Variants in CPNE8 observed in about 807,000 individuals in gnomAD.
The protein encoded by CPNE8 is copine 8.
A neutral mutation model predicts 81.5 loss-of-function variants in CPNE8; 45 were observed. The ratio of observed to expected loss-of-function variants is 0.55; its 90% confidence interval spans 0.44 to 0.71. CPNE8 has a LOEUF of 0.71. Among genes scored for constraint, CPNE8 ranks in the 30% least tolerant of loss-of-function variants. CPNE8 has a pLI of 0.00. For synonymous variants in CPNE8, 252 were observed against 226.3 expected (o/e 1.11, Z -1.02); for missense variants, 594 against 672.1 (o/e 0.88, Z 1.28).
intron 1 of CPNE8, among the ~76,000 whole-genome samples, chr12:38,902,773 CAT>C: frequency 6.6e-6 from 1 of 152,310 alleles, no homozygotes; most frequent in Non-Finnish European, 1.5e-5. Flanking sequence ...ATACCTGAAT[CAT>C]ATATAACACA....
At chr12:38,741,113 A>C (rs1162010085) in intron 10 of CPNE8, among the ~76,000 whole-genome samples, 2 of 152,178 alleles carry the variant, frequency 1.3e-5, no homozygotes, top group Admixed American at 6.5e-5. Flanking sequence ...TGCCCAAGGT[A>C]ATTTATAGAT....
At chr12:38,697,117 C>A (rs1198357517) in intron 14 of CPNE8, among the ~76,000 whole-genome samples, 1 of 152,188 alleles carries the variant, frequency 6.6e-6, no homozygotes, top group African/African-American at 2.4e-5. Context: ...TATGTGCAAT[C>A]ATCACTATAG....
Position 38,657,600 on chromosome 12 carries a change from C to T in CPNE8, c.1507-3530G>A, listed in dbSNP as rs756363195. On this transcript the variant is annotated intron_variant, in intron 19 of 19. Transcript: ENST00000331366. ...AAGTGGGTCCCTGACCCCCGTATAGCGTAACTGGGAGACACCTCCCAGTAG... is the reference window on the plus strand; with the variant it reads ...AAGTGGGTCCCTGACCCCCGTATAGTGTAACTGGGAGACACCTCCCAGTAG... 5.3e-5 allele frequency among the ~76,000 whole-genome samples: 8 copies of T among 152,126 alleles called. No homozygotes were observed. The East Asian group carries it at 1.2e-3, about 22-fold the overall frequency.
At chr12:38,694,408 G>A (rs766556549) in intron 14 of CPNE8, among the ~76,000 whole-genome samples, 1 of 152,190 alleles carries the variant, frequency 6.6e-6, no homozygotes, top group African/African-American at 2.4e-5. Flanking sequence ...AGGAGCCAGA[G>A]GCCAGAGTCA....
At chr12:38,774,492 C>T (rs563177660) in intron 7 of CPNE8, among the ~76,000 whole-genome samples, 133 of 151,914 alleles carry the variant, frequency 8.8e-4, no homozygotes, top group Non-Finnish European at 1.6e-3. Flanking sequence ...TAGGTAATAT[C>T]GCTGCATTTA....
At chr12:38,798,864 C>A (rs1027103625) in intron 6 of CPNE8, among the ~76,000 whole-genome samples, 6 of 151,822 alleles carry the variant, frequency 4.0e-5, no homozygotes, top group African/African-American at 1.5e-4. Flanking sequence ...ATCTACCAAG[C>A]AAATGGAAAA....
At chr12:38,660,147 A>G (rs2630775) in intron 19 of CPNE8, among the ~76,000 whole-genome samples, 145,540 of 152,098 alleles carry the variant, frequency 0.96, 69,799 homozygotes, top group East Asian at 1. Context: ...AAAAGAGACC[A>G]CATTGCCAAG....
chr12:38,741,903 G>C (rs1592053687), intron 10 of CPNE8, among the ~76,000 whole-genome samples: 1 of 152,188 alleles, frequency 6.6e-6, no homozygotes, highest in Non-Finnish European at 1.5e-5. Flanking sequence ...CATTTATGCA[G>C]CCAACAGACA....
intron 10 of CPNE8, among the ~76,000 whole-genome samples, chr12:38,758,368 T>TA: frequency 6.6e-6 from 1 of 152,016 alleles, no homozygotes; most frequent in Non-Finnish European, 1.5e-5. Context: ...TTTCAGATAA[T>TA]AAAAAAATTA....
At chr12:38,904,770 C>T (rs1944542086) in intron 1 of CPNE8, among the ~76,000 whole-genome samples, 1 of 152,092 alleles carries the variant, frequency 6.6e-6, no homozygotes, top group African/African-American at 2.4e-5. Context: ...TGAGCCACTG[C>T]GCCCGGCCGA....
At chr12:38,767,578 T>C in intron 8 of CPNE8, 57 bp downstream of exon 8, 1 of 1,024,614 alleles carries the variant, frequency 9.8e-7, no homozygotes, top group Non-Finnish European at 1.4e-6. Flanking sequence ...AGAAAAATAA[T>C]TATAATTCAA....
chr12:38,905,393 C>G, intron 1 of CPNE8, 44 bp downstream of exon 1: 1 of 1,542,924 alleles, frequency 6.5e-7, no homozygotes, highest in Non-Finnish European at 8.7e-7. Context: ...CTACCAACCC[C>G]ACAGATGAGA....
At chr12:38,689,619 CA>C (rs10712164) in intron 15 of CPNE8, among the ~76,000 whole-genome samples, 16,041 of 152,020 alleles carry the variant, frequency 0.11, 1,067 homozygotes, top group East Asian at 0.25. Context: ...GCCTACTTGG[CA>C]AAAAAATACA....
chr12:38,792,207 C>T (rs906834479), intron 6 of CPNE8, among the ~76,000 whole-genome samples: 1 of 150,568 alleles, frequency 6.6e-6, no homozygotes, highest in African/African-American at 2.4e-5. Flanking sequence ...AAACCCAAAG[C>T]TAGGAAAAGG....
intron 3 of CPNE8, among the ~76,000 whole-genome samples, chr12:38,865,988 C>T (rs954954192): frequency 7.2e-5 from 11 of 152,150 alleles, no homozygotes; most frequent in African/African-American, 1.7e-4. Flanking sequence ...TACTATTTTA[C>T]GTCCTTTTCT....
chr12:38,705,960 A>G (rs1940097210), intron 13 of CPNE8, among the ~76,000 whole-genome samples: 2 of 152,178 alleles, frequency 1.3e-5, no homozygotes, highest in Non-Finnish European at 2.9e-5. Flanking sequence ...CACATTATAT[A>G]TAATGTGATG....
In CPNE8 at chr12:38,778,805, A is replaced by G. The variant is rs533561977; in HGVS notation, c.408-2504T>C. Among the ~76,000 whole-genome samples, 4 of 152,336 alleles carry G rather than the reference A, an allele frequency of 2.6e-5. No individual in the cohort carries two copies. In the South Asian group the frequency reaches 8.3e-4, roughly 32 times the overall value. On this transcript the variant is annotated intron_variant, in intron 6 of 19. Transcript: ENST00000331366. The stretch of plus-strand genomic sequence containing the variant: ...AAACCTCTTGTAAGCACAGAGTTAA[A>G]TGTCTGTATACAGCAGGTGTTTAGT...
chr12:38,758,618 TCAGTTTCTTTATCTGTG>T (rs1355370833), intron 10 of CPNE8, among the ~76,000 whole-genome samples: 1 of 152,214 alleles, frequency 6.6e-6, no homozygotes, highest in Admixed American at 6.5e-5. Context: ...CTTCTTTGCC[TCAGTTTCTTTATCTGTG>T]AAAGGTAACT....
intron 5 of CPNE8, among the ~76,000 whole-genome samples, chr12:38,839,138 T>C (rs1248852685): frequency 4.6e-5 from 7 of 152,160 alleles, no homozygotes; most frequent in Non-Finnish European, 1.0e-4. Flanking sequence ...TTCAGAATGC[T>C]GTTTTCACCC....
Sources: allele counts gnomAD v4.1 joint callset (sites outside exome capture counted in the v4.1 genomes callset), GRCh38; gene constraint gnomAD v4.1.1; transcripts MANE v1.5; gene names NCBI Gene and HGNC (gene_info 2026-07-23, HGNC 2026-07-21).